CDH12: variants seen among roughly 807,000 people sequenced by gnomAD.
CDH12 encodes cadherin-12.
CDH12 carries 41 observed loss-of-function variants against 74.1 expected under a neutral mutation model. The ratio of observed to expected loss-of-function variants is 0.55; its 90% CI spans 0.43 to 0.72. The LOEUF is 0.72. Ranked by LOEUF, CDH12 falls within the 30% of genes least tolerant of loss-of-function variation. CDH12 has a pLI of 0.00. For missense variants in CDH12, 945 were observed against 977.2 expected (o/e 0.97, Z 0.44); for synonymous variants, 399 against 355.0 (o/e 1.12, Z -1.39).
intron 2 of CDH12, among the ~76,000 whole-genome samples, chr5:22,464,882 A>G (rs1247115949): frequency 6.6e-6 from 1 of 151,962 alleles, no homozygotes; most frequent in Non-Finnish European, 1.5e-5. Flanking sequence ...GGAGCCTGTA[A>G]TCCCAGCTAC....
At chr5:21,867,513 C>A (rs1751393908) in intron 6 of CDH12, among the ~76,000 whole-genome samples, 1 of 152,152 alleles carries the variant, frequency 6.6e-6, no homozygotes, top group Non-Finnish European at 1.5e-5. Flanking sequence ...ATCAGTGTGA[C>A]CTGGATGTGA....
At chr5:22,711,791 A>G (rs1055119773) in intron 1 of CDH12, among the ~76,000 whole-genome samples, 2 of 152,118 alleles carry the variant, frequency 1.3e-5, no homozygotes, top group African/African-American at 4.8e-5. Context: ...ACTGATTTTC[A>G]AAAAACACTT....
At chr5:22,407,951 C>A (rs754267758) in intron 2 of CDH12, among the ~76,000 whole-genome samples, 1 of 152,040 alleles carries the variant, frequency 6.6e-6, no homozygotes, top group Non-Finnish European at 1.5e-5. Context: ...AATAGCCTAT[C>A]GCCTTCTCTA....
chr5:22,399,392 G>A (rs983223613), intron 3 of CDH12, among the ~76,000 whole-genome samples: 1 of 152,112 alleles, frequency 6.6e-6, no homozygotes, highest in African/African-American at 2.4e-5. Flanking sequence ...CAACAAAAAC[G>A]TAATCAAATA....
intron 1 of CDH12, among the ~76,000 whole-genome samples, chr5:22,837,979 G>A (rs1736908187): frequency 6.6e-6 from 1 of 152,202 alleles, no homozygotes; most frequent in Non-Finnish European, 1.5e-5. Context: ...GTTGCTGATT[G>A]AGAATTGACC....
intron 4 of CDH12, among the ~76,000 whole-genome samples, chr5:22,190,580 A>G (rs1467543097): frequency 6.6e-6 from 1 of 152,208 alleles, no homozygotes; most frequent in Non-Finnish European, 1.5e-5. Flanking sequence ...TTGTCTACAA[A>G]AAAGCCACAG....
intron 10 of CDH12, among the ~76,000 whole-genome samples, chr5:21,795,997 A>T (rs999544396): frequency 4.6e-5 from 7 of 152,062 alleles, no homozygotes; most frequent in South Asian, 2.1e-4. Context: ...TTTAACAACT[A>T]ATTAGTATAA....
intron 10 of CDH12, among the ~76,000 whole-genome samples, chr5:21,800,996 G>A (rs2149921235): frequency 1.3e-5 from 2 of 152,258 alleles, no homozygotes; most frequent in Middle Eastern, 6.8e-3. Context: ...CAGTCTCAGG[G>A]TGGTTCTTTA....
intron 4 of CDH12, among the ~76,000 whole-genome samples, chr5:22,205,289 A>G (rs1751158812): frequency 6.6e-6 from 1 of 152,194 alleles, no homozygotes; most frequent in Admixed American, 6.5e-5. Context: ...GCAGCTTTGA[A>G]TAAAAGAAAC....
At chr5:22,083,522 T>C (rs892920595) in intron 4 of CDH12, among the ~76,000 whole-genome samples, 1 of 152,196 alleles carries the variant, frequency 6.6e-6, no homozygotes, top group Non-Finnish European at 1.5e-5. Flanking sequence ...CTTTGTTAAG[T>C]TTGAATGAAT....
At chr5:22,842,991 T>C (rs1408826227) in intron 1 of CDH12, among the ~76,000 whole-genome samples, 1 of 152,138 alleles carries the variant, frequency 6.6e-6, no homozygotes, top group African/African-American at 2.4e-5. Context: ...TTGTGTAAAG[T>C]GAATTTGGCT....
chr5:22,390,722 G>A (rs569397054), intron 3 of CDH12, among the ~76,000 whole-genome samples: 28 of 152,254 alleles, frequency 1.8e-4, no homozygotes, highest in Non-Finnish European at 3.4e-4. Context: ...TTAATAGTGG[G>A]AAAGACAAAA....
At chr5:22,065,426 A>G (rs1306132598) in intron 5 of CDH12, among the ~76,000 whole-genome samples, 39 of 152,176 alleles carry the variant, frequency 2.6e-4, no homozygotes, top group Admixed American at 2.6e-3. Flanking sequence ...ATATTGCAGC[A>G]CGGGGAGTGA....
At chr5:22,711,471 G>A (rs967048721) in intron 1 of CDH12, among the ~76,000 whole-genome samples, 27 of 152,074 alleles carry the variant, frequency 1.8e-4, no homozygotes, top group Non-Finnish European at 8.8e-5. Context: ...AAAGGGTATT[G>A]CTAAGAAACA....
intron 5 of CDH12, among the ~76,000 whole-genome samples, chr5:22,036,259 T>A (rs1006594687): frequency 2.6e-5 from 4 of 152,124 alleles, no homozygotes; most frequent in African/African-American, 9.7e-5. Flanking sequence ...ATGCTAAGGG[T>A]CATGTGAAAT....
intron 1 of CDH12, among the ~76,000 whole-genome samples, chr5:22,589,256 G>A (rs2126796457): frequency 6.6e-6 from 1 of 152,236 alleles, no homozygotes; most frequent in East Asian, 1.9e-4. Flanking sequence ...TTCAGCCTGT[G>A]CCCTAGAATG....
intron 6 of CDH12, among the ~76,000 whole-genome samples, chr5:21,890,683 C>A (rs1752856498): frequency 6.6e-6 from 1 of 152,114 alleles, no homozygotes; most frequent in Non-Finnish European, 1.5e-5. Context: ...AGTGATTCTA[C>A]ATACATAGGC....
At chr5:22,641,737 C>T (rs1230287952) in intron 1 of CDH12, among the ~76,000 whole-genome samples, 1 of 152,152 alleles carries the variant, frequency 6.6e-6, no homozygotes, top group Non-Finnish European at 1.5e-5. Flanking sequence ...ATTCAAATAT[C>T]AATGAGTGGC....
intron 4 of CDH12, among the ~76,000 whole-genome samples, chr5:22,186,162 C>A (rs748243810): frequency 2.0e-5 from 3 of 152,118 alleles, no homozygotes; most frequent in Non-Finnish European, 2.9e-5. Context: ...CTTGTATGTG[C>A]GGCATAAGAT....
Sources: gnomAD v4.1 joint callset for allele counts (sites outside exome capture counted in the v4.1 genomes callset) on GRCh38, gnomAD v4.1.1 for gene constraint, MANE v1.5 for transcripts, NCBI Gene and HGNC (gene_info 2026-07-23, HGNC 2026-07-21) for gene names.